The following NDUFAF1 variants were observed in gnomAD, a reference collection of about 807,000 sequenced individuals.
The protein encoded by NDUFAF1 is NADH:ubiquinone oxidoreductase complex assembly factor 1, also known as complex I intermediate-associated protein 30, mitochondrial.
NDUFAF1 carries 18 observed loss-of-function variants against 28.7 expected under a neutral mutation model. The ratio of observed to expected loss-of-function variants is 0.63; its 90% confidence interval spans 0.43 to 0.93. The LOEUF is 0.93. NDUFAF1 is among the 40% of genes least tolerant of loss of function. The probability of loss-of-function intolerance (pLI) is 0.00; values close to 1 mark genes in which losing one functional copy is unlikely to be tolerated. For missense variants in NDUFAF1, 404 were observed against 398.3 expected, an observed-to-expected ratio of 1.01 and a Z score of -0.12; for synonymous variants, 113 against 139.7, an observed-to-expected ratio of 0.81 and a Z score of 1.35.
chr15:41,388,580 T>C, intron 3 of NDUFAF1, 58 bp from the exon 4 acceptor site: 1 of 1,073,872 alleles, frequency 9.3e-7, no homozygotes, highest in Non-Finnish European at 1.5e-6. Flanking sequence ...GGCATCTGCA[T>C]GTAATTGTAA....
rs536209879 is a variant in NDUFAF1 at position 41,400,112 on chromosome 15, G to A, written c.-82+2032C>T. ...TGTAAGGCCAGGCGCAGTGGCTCACGCCTGTAATCCCAGCACTTTGGGAGG... is the reference window on the plus strand; with the variant it reads ...TGTAAGGCCAGGCGCAGTGGCTCACACCTGTAATCCCAGCACTTTGGGAGG... On this transcript the variant is annotated intron_variant, in intron 1 of 4. Coordinates refer to ENST00000260361, the MANE Select transcript of NDUFAF1 (RefSeq NM_016013.4). Among the ~76,000 whole-genome samples the A allele has an allele frequency of 2.0e-5, 3 of 151,612 alleles. No individual in the cohort carries two copies. In the East Asian group the frequency reaches 5.9e-4, roughly 30 times the overall value.
chr15:41,401,267 C>CTTTTTTTT lies in NDUFAF1; in HGVS notation c.-82+869_-82+876dup, dbSNP rs755063294. On this transcript the variant is annotated intron_variant, in intron 1 of 4. Coordinates refer to ENST00000260361, the MANE Select transcript of NDUFAF1 (RefSeq NM_016013.4). ...ACAGGCGTCAGCCACGGCGCCCAAC[C>CTTTTTTTT]TTTTTTTTTTTTTTTTTTTTTGAGA... 4.5e-5 allele frequency among the ~76,000 whole-genome samples: 5 copies of CTTTTTTTT among 111,224 alleles called. 2 individuals carry two copies. Among genetic ancestry groups the CTTTTTTTT allele is most frequent in the African/African-American group, 9.5e-5 (3 of 31,598 alleles). 73.0% of individuals were successfully genotyped at this position (111,224 alleles called of 152,430 possible).
intron 3 of NDUFAF1, among the ~76,000 whole-genome samples, chr15:41,393,581 C>G (rs1427997886): frequency 6.9e-6 from 1 of 144,658 alleles, no homozygotes; most frequent in African/African-American, 2.7e-5. Context: ...TAAGCCACCG[C>G]GGCCGGCCTT....
chr15:41,396,395 T>A, intron 2 of NDUFAF1, 92 bp downstream of exon 2: 8 of 1,307,324 alleles, frequency 6.1e-6, no homozygotes, highest in Non-Finnish European at 7.5e-6. Context: ...GGTGTTTTCA[T>A]TTACAGAAAC....
rs911082783 is a variant in NDUFAF1, at chr15:41,387,371, ATATTT to A, written c.*68_*72del. On this transcript the variant is annotated 3_prime_UTR_variant, in exon 5 of 5. Transcript: ENST00000260361. ...CCATTGGTTGGATGCCATTAAAGAA[ATATTT>A]TATTTTGTCTATATCATTGTAGATG... 44 of 1,460,150 alleles carry A rather than the reference ATATTT, an allele frequency of 3.0e-5. No homozygotes were observed. The highest frequency in any genetic ancestry group is 4.6e-5 in the South Asian group (4 of 86,510). The allele number at this position is 1,460,150 out of a possible 1,614,324, so 90.4% of individuals were successfully genotyped here.
chr15:41,395,829 C>T (rs2050379563), intron 2 of NDUFAF1, among the ~76,000 whole-genome samples: 1 of 151,902 alleles, frequency 6.6e-6, no homozygotes, highest in Non-Finnish European at 1.5e-5. Flanking sequence ...CATGCACCAC[C>T]ATGTCCAGCA....
chr15:41,402,154 A>G lies in NDUFAF1; in HGVS notation c.-92T>C, dbSNP rs1293535332. 1 of 451,224 alleles carries G rather than the reference A, an allele frequency of 2.2e-6. No homozygotes were observed. 28.0% of individuals were successfully genotyped at this position (451,224 alleles called of 1,614,324 possible). On this transcript the variant is annotated 5_prime_UTR_variant, in exon 1 of 5. Coordinates refer to ENST00000260361, the MANE Select transcript of NDUFAF1 (RefSeq NM_016013.4). ...CTATCCATGCCTTACCATGTGCCAG[A>G]AACTGCTCTAAGTGTTTCACTGACG...
rs78069851 is a variant in NDUFAF1, at chr15:41,402,001, G to A, written c.-82+143C>T. The A allele has an allele frequency of 0.048, 12,848 of 266,884 alleles. 460 individuals carry two copies. The highest frequency in any genetic ancestry group is 0.17 in the East Asian group (1,831 of 10,670). 16.5% of individuals were successfully genotyped at this position (266,884 alleles called of 1,614,324 possible). ...ATATAACTTTAATTATAAATGCTTT[G>A]TTTCATTTTTTTTTTTCTACCAGTA... On this transcript the variant is annotated intron_variant, in intron 1 of 4. Coordinates refer to ENST00000260361, the MANE Select transcript of NDUFAF1 (RefSeq NM_016013.4).
chr15:41,396,547 C>T lies in NDUFAF1; in HGVS notation c.513G>A (p.Ala171=), dbSNP rs780201036. ...TTCGGGTAGACTCCCCGTCCTGAGGCGCCTCAGAGCTCAGAGTTCCATATA... is the reference window on the plus strand; with the variant it reads ...TTCGGGTAGACTCCCCGTCCTGAGGTGCCTCAGAGCTCAGAGTTCCATATA... ...ALLYGTLSSE[A]PQDGESTRSG... The change falls in exon 2 of 5, where the codon GCG becomes GCA. Residue 171 remains alanine, a synonymous_variant. Transcript: ENST00000260361. The T allele has an allele frequency of 1.2e-5, 19 of 1,614,022 alleles. No individual in the cohort carries two copies. Among genetic ancestry groups the T allele is most frequent in the South Asian group, 4.4e-5 (4 of 91,084 alleles).
chr15:41,402,981 C>T (rs1469228833), upstream of NDUFAF1, among the ~76,000 whole-genome samples: 1 of 152,104 alleles, frequency 6.6e-6, no homozygotes, highest in African/African-American at 2.4e-5. Flanking sequence ...CCACCCGCCT[C>T]GGCCTCCCAA....
Position 41,396,952 on chromosome 15 carries a change from G to T in NDUFAF1, c.108C>A (p.Ser36=), listed in dbSNP as rs1433873019. 1.2e-6 allele frequency: 2 copies of T among 1,613,094 alleles called. No individual in the cohort carries two copies. Among genetic ancestry groups the T allele is most frequent in the Admixed American group, 3.3e-5 (2 of 59,732 alleles). The part of the protein sequence containing the change: ...PFLGIRFAEY[S]SSLQKPVASP... ...AAGCCACTGGTTTCTGAAGACTACT[G>T]GAATACTCTGCAAAGCGAATACCCA... Residue 36 remains serine (S), a synonymous_variant, in exon 2 of 5, where the codon TCC becomes TCA. Coordinates refer to ENST00000260361, the MANE Select transcript of NDUFAF1 (RefSeq NM_016013.4).
At chr15:41,387,733 C>T (rs1000031689) in intron 4 of NDUFAF1, 140 bp from the exon 5 acceptor site, 4 of 672,496 alleles carry the variant, frequency 5.9e-6, no homozygotes, top group Middle Eastern at 3.1e-4. Flanking sequence ...ACTAATTCTC[C>T]CATAGCATAC....
In NDUFAF1 at chr15:41,395,001, T is replaced by C. The variant is rs150473872; in HGVS notation, c.617A>G (p.Asn206Ser). ...RKMSYDWSQF[N>S]TLYLRVRGDG... ...CCCACGTACACGGAGATACAGAGTA[T>C]TGAACTGGGACCAATCGTAAGACAT... The change falls in exon 3 of 5, where the codon AAT (asparagine) becomes AGT (serine). Residue 206 changes from asparagine (N) to serine (S), a missense_variant. Physicochemically the swap from Asn to Ser is conservative, Grantham distance 46. Coordinates refer to ENST00000260361, the MANE Select transcript of NDUFAF1 (RefSeq NM_016013.4). 16 of 1,614,160 alleles carry C rather than the reference T, an allele frequency of 9.9e-6. No individual in the cohort carries two copies. The African/African-American group carries it at 1.7e-4, about 17-fold the overall frequency.
chr15:41,389,026 C>G (rs2050286691), intron 3 of NDUFAF1, among the ~76,000 whole-genome samples: 1 of 151,966 alleles, frequency 6.6e-6, no homozygotes, highest in South Asian at 2.1e-4. Context: ...CATATTTCTT[C>G]TCTATGTAAT....
At chr15:41,388,659 T>A in intron 3 of NDUFAF1, 137 bp from the exon 4 acceptor site, 1 of 663,524 alleles carries the variant, frequency 1.5e-6, no homozygotes, top group South Asian at 1.7e-5. Context: ...GCTAGCCATT[T>A]GGATCAAAGA....
At chr15:41,400,915 T>A (rs1405060249) in intron 1 of NDUFAF1, among the ~76,000 whole-genome samples, 1 of 151,784 alleles carries the variant, frequency 6.6e-6, no homozygotes, top group Non-Finnish European at 1.5e-5. Flanking sequence ...ACAAGTCAGA[T>A]ACGTATTTCC....
intron 3 of NDUFAF1, among the ~76,000 whole-genome samples, chr15:41,389,501 T>A (rs1595630112): frequency 6.6e-6 from 1 of 152,214 alleles, no homozygotes; most frequent in Non-Finnish European, 1.5e-5. Flanking sequence ...CTGGGCCTGG[T>A]TGTGCATGCC....
At chr15:41,388,403 T>C (rs200643843) in intron 4 of NDUFAF1, 45 bp downstream of exon 4, 118 of 1,438,580 alleles carry the variant, frequency 8.2e-5, no homozygotes, top group Non-Finnish European at 1.1e-4. Context: ...TTCCGATTCA[T>C]TAAAAATGAT....
In NDUFAF1 at chr15:41,396,847, T is replaced by A; in HGVS notation, c.213A>T (p.Ile71=). The A allele has an allele frequency of 6.2e-7, 1 of 1,614,164 alleles. No homozygotes were observed. The change falls in exon 2 of 5, where the codon ATA becomes ATT. Residue 71 remains isoleucine, a synonymous_variant. Coordinates refer to ENST00000260361, the MANE Select transcript of NDUFAF1 (RefSeq NM_016013.4). ...GDHQKEVALD[I]TSSEEKPDVS... ...CATCAGGCTTCTCCTCAGAAGAAGTTATATCCAAAGCAACTTCTTTCTGGT... is the reference window on the plus strand; with the variant it reads ...CATCAGGCTTCTCCTCAGAAGAAGTAATATCCAAAGCAACTTCTTTCTGGT...
Sources: gnomAD v4.1 joint callset for allele counts (sites outside exome capture counted in the v4.1 genomes callset) on GRCh38, gnomAD v4.1.1 for gene constraint, MANE v1.5 for transcripts, NCBI Gene and HGNC (gene_info 2026-07-23, HGNC 2026-07-21) for gene names.